HIVEP3: variants seen among roughly 807,000 people sequenced by gnomAD.
The protein encoded by HIVEP3 is transcription factor HIVEP3.
In HIVEP3, 49 loss-of-function variants were observed where a neutral mutation model predicts 152.8. The ratio of observed to expected loss-of-function variants is 0.32; its 90% CI spans 0.26 to 0.41. The LOEUF (loss-of-function observed/expected upper bound fraction) is 0.41, where lower values mean the gene tolerates loss of function less well. HIVEP3 is among the 10% of genes least tolerant of loss of function. The pLI, the probability that HIVEP3 is intolerant of heterozygous loss-of-function variation, is 1.00. For synonymous variants in HIVEP3, 1,269 were observed against 1,289.0 expected, an observed-to-expected ratio of 0.98 and a Z score of 0.33; for missense variants, 2,790 against 3,103.3, an observed-to-expected ratio of 0.90 and a Z score of 2.40.
chr1:42,030,294 T>C (rs1645605995), intron 1 of HIVEP3, among the ~76,000 whole-genome samples: 1 of 152,200 alleles, frequency 6.6e-6, no homozygotes, highest in Non-Finnish European at 1.5e-5. Context: ...AATGTTAGCA[T>C]ATTTTATGTG....
chr1:41,703,656 T>C (rs1380565146), intron 1 of HIVEP3, among the ~76,000 whole-genome samples: 4 of 152,206 alleles, frequency 2.6e-5, no homozygotes, highest in Non-Finnish European at 4.4e-5. Flanking sequence ...TTGTGACGTA[T>C]CTCCTGCACC....
intron 1 of HIVEP3, among the ~76,000 whole-genome samples, chr1:41,757,091 A>AATTATTATT (rs147789740): frequency 0.12 from 16,785 of 136,296 alleles, 1,393 homozygotes; most frequent in Admixed American, 0.22. Context: ...GTCTCTAAAA[A>AATTATTATT]ATTATTATTA....
rs1009036674 is a variant in HIVEP3, at chr1:41,786,909, G to A, written c.-800-85914C>T. 5.9e-5 allele frequency among the ~76,000 whole-genome samples: 9 copies of A among 151,910 alleles called. No homozygotes were observed. In the East Asian group the frequency reaches 1.2e-3, roughly 20 times the overall value. ...TAGGATTACAGGTGCGCACCACCAC[G>A]TCCAGCTAATTTTTGTATTTTTAGT... On this transcript the variant is annotated intron_variant, in intron 1 of 8. Transcript: ENST00000372583.
At chr1:41,942,720 A>G (rs74784466) in intron 1 of HIVEP3, among the ~76,000 whole-genome samples, 2,329 of 152,298 alleles carry the variant, frequency 0.015, 58 homozygotes, top group African/African-American at 0.054. Context: ...ATTAGGGACT[A>G]GTTGCATTCA....
intron 1 of HIVEP3, among the ~76,000 whole-genome samples, chr1:41,950,909 G>A (rs116626865): frequency 0.016 from 2,444 of 152,268 alleles, 40 homozygotes; most frequent in Non-Finnish European, 0.021. Context: ...TTGTTAACAG[G>A]GAGATATGTT....
chr1:41,933,094 T>C (rs190024473), intron 1 of HIVEP3, among the ~76,000 whole-genome samples: 209 of 152,170 alleles, frequency 1.4e-3, no homozygotes, highest in African/African-American at 4.3e-3. Context: ...GCCCAGAACA[T>C]AGTATCATTT....
At chr1:41,727,302 G>A (rs1043837601) in intron 1 of HIVEP3, among the ~76,000 whole-genome samples, 2 of 152,222 alleles carry the variant, frequency 1.3e-5, no homozygotes, top group African/African-American at 4.8e-5. Flanking sequence ...ATCCTAGGGC[G>A]ATCTGACAGC....
At chr1:41,902,699 C>T (rs370278823) in intron 1 of HIVEP3, among the ~76,000 whole-genome samples, 3 of 152,180 alleles carry the variant, frequency 2.0e-5, no homozygotes, top group Non-Finnish European at 4.4e-5. Context: ...AGCAGAGCGC[C>T]GGCAATGTCT....
At chr1:41,535,229 C>T (rs1048185695) in intron 5 of HIVEP3, among the ~76,000 whole-genome samples, 2 of 152,326 alleles carry the variant, frequency 1.3e-5, no homozygotes, top group East Asian at 1.9e-4. Context: ...ACCTGTTACA[C>T]TGCAGACAAA....
At chr1:41,579,120 T>C (rs576773640) in intron 4 of HIVEP3, among the ~76,000 whole-genome samples, 1 of 152,282 alleles carries the variant, frequency 6.6e-6, no homozygotes, top group East Asian at 1.9e-4. Flanking sequence ...GTAGCACAAA[T>C]AGGTCAAACT....
intron 3 of HIVEP3, among the ~76,000 whole-genome samples, chr1:41,587,089 G>A (rs1296322048): frequency 6.6e-6 from 1 of 152,116 alleles, no homozygotes; most frequent in Non-Finnish European, 1.5e-5. Context: ...GAGTCTTATA[G>A]CCAGACAGGA....
intron 3 of HIVEP3, among the ~76,000 whole-genome samples, chr1:41,620,276 A>G (rs983294623): frequency 1.3e-5 from 2 of 152,162 alleles, no homozygotes; most frequent in Non-Finnish European, 2.9e-5. Flanking sequence ...CCTCAAGCAA[A>G]CAGAAATTTT....
chr1:41,615,372 T>C (rs1033794988), intron 3 of HIVEP3, among the ~76,000 whole-genome samples: 1 of 152,222 alleles, frequency 6.6e-6, no homozygotes, highest in Admixed American at 6.5e-5. Context: ...CTGCCCCCCA[T>C]CTCCTCCACC....
At chr1:42,024,975 T>C (rs1645574160) in intron 1 of HIVEP3, among the ~76,000 whole-genome samples, 1 of 152,252 alleles carries the variant, frequency 6.6e-6, no homozygotes, top group African/African-American at 2.4e-5. Context: ...TCCAAAGTCA[T>C]ATGTCTTTTT....
chr1:41,599,655 A>C (rs1022148307), intron 3 of HIVEP3, among the ~76,000 whole-genome samples: 3 of 152,244 alleles, frequency 2.0e-5, no homozygotes, highest in African/African-American at 7.2e-5. Flanking sequence ...AAGAAGCTTC[A>C]TCACATTGGA....
rs1053854843 is a variant in HIVEP3 at position 41,585,260 on chromosome 1, C to T, written c.-463G>A. The T allele has an allele frequency of 1.8e-5, 7 of 399,068 alleles. No individual in the cohort carries two copies. Among genetic ancestry groups the T allele is most frequent in the Admixed American group, 8.8e-5 (2 of 22,712 alleles). 24.7% of individuals were successfully genotyped at this position (399,068 alleles called of 1,614,324 possible). On this transcript the variant is annotated 5_prime_UTR_variant, in exon 4 of 9. Coordinates refer to ENST00000372583, the MANE Select transcript of HIVEP3 (RefSeq NM_024503.5). ...ACGCTGGATGCTGGGGGTGGCTCTT[C>T]TCCCCTTTAGTTCTGGGTTGGAGAT... is the stretch of plus-strand genomic sequence containing the variant.
At chr1:41,886,712 C>CAAAAAAAAAAAAAAAA (rs71062602) in intron 1 of HIVEP3, among the ~76,000 whole-genome samples, 1 of 87,788 alleles carries the variant, frequency 1.1e-5, no homozygotes, top group Non-Finnish European at 2.2e-5. Context: ...AACTCCATTT[C>CAAAAAAAAAAAAAAAA]AAAAAAAAAA....
intron 1 of HIVEP3, among the ~76,000 whole-genome samples, chr1:41,769,324 AG>A (rs1648206203): frequency 6.6e-6 from 1 of 152,226 alleles, no homozygotes; most frequent in Non-Finnish European, 1.5e-5. Context: ...CATTAAGCAA[AG>A]GGTCATGTAG....
At chr1:41,961,011 C>A (rs879901929) in intron 1 of HIVEP3, among the ~76,000 whole-genome samples, 10 of 152,196 alleles carry the variant, frequency 6.6e-5, no homozygotes, top group Non-Finnish European at 1.5e-4. Context: ...ACTGTTTCAA[C>A]CAACAGAGAT....
Sources: gnomAD v4.1 joint callset for allele counts (sites outside exome capture counted in the v4.1 genomes callset) on GRCh38, gnomAD v4.1.1 for gene constraint, MANE v1.5 for transcripts, NCBI Gene and HGNC (gene_info 2026-07-23, HGNC 2026-07-21) for gene names.